HIBADH: variants seen among roughly 807,000 people sequenced by gnomAD.
The protein encoded by HIBADH is 3-hydroxyisobutyrate dehydrogenase.
HIBADH carries 25 observed loss-of-function variants against 36.1 expected under a neutral mutation model. The ratio of observed to expected loss-of-function variants is 0.69; its 90% CI spans 0.50 to 0.97. The LOEUF (loss-of-function observed/expected upper bound fraction) is 0.97. HIBADH is among the 50% of genes least tolerant of loss of function. HIBADH has a pLI of 0.00. For synonymous variants in HIBADH, 160 were observed against 149.5 expected (o/e 1.07, Z -0.51); for missense variants, 421 against 418.0 (o/e 1.01, Z -0.06).
intron 4 of HIBADH, among the ~76,000 whole-genome samples, chr7:27,582,364 G>A (rs1263793869): frequency 6.6e-6 from 1 of 152,030 alleles, no homozygotes; most frequent in African/African-American, 2.4e-5. Context: ...GGCTGCCCTG[G>A]TCTCTGCTGG....
intron 4 of HIBADH, among the ~76,000 whole-genome samples, chr7:27,613,819 C>T (rs35771883): frequency 0.16 from 24,018 of 151,812 alleles, 2,076 homozygotes; most frequent in Middle Eastern, 0.2. Flanking sequence ...CCACCATGCC[C>T]GGCTAATTTT....
At chr7:27,606,305 C>T (rs1785227837) in intron 4 of HIBADH, among the ~76,000 whole-genome samples, 1 of 152,104 alleles carries the variant, frequency 6.6e-6, no homozygotes, top group African/African-American at 2.4e-5. Flanking sequence ...TGGTGGGCTG[C>T]CTTTTAATCC....
At chr7:27,554,976 T>C (rs1011254654) in intron 4 of HIBADH, among the ~76,000 whole-genome samples, 1 of 152,176 alleles carries the variant, frequency 6.6e-6, no homozygotes, top group Non-Finnish European at 1.5e-5. Context: ...TTTGCAACCA[T>C]TTCTGATGGT....
chr7:27,613,374 T>TAGAG (rs1373733644), intron 4 of HIBADH, among the ~76,000 whole-genome samples: 2 of 54,448 alleles, frequency 3.7e-5, no homozygotes, highest in Admixed American at 1.9e-4. Flanking sequence ...CTCGTTTAGA[T>TAGAG]AGATAGACAG....
At chr7:27,644,592 T>C (rs1786026598) in intron 2 of HIBADH, among the ~76,000 whole-genome samples, 4 of 98,606 alleles carry the variant, frequency 4.1e-5, no homozygotes, top group Admixed American at 2.2e-4. Flanking sequence ...AGAGCAAGAC[T>C]CCATCTCAAA....
At chr7:27,622,250 A>T (rs575850765) in intron 4 of HIBADH, among the ~76,000 whole-genome samples, 104 of 152,096 alleles carry the variant, frequency 6.8e-4, no homozygotes, top group East Asian at 2.5e-3. Context: ...ATTTTTTTTT[A>T]AAAAAGTTAA....
At chr7:27,624,530 C>A (rs138646466) in intron 4 of HIBADH, among the ~76,000 whole-genome samples, 1 of 152,286 alleles carries the variant, frequency 6.6e-6, no homozygotes, top group East Asian at 1.9e-4. Context: ...AATTTAGTGG[C>A]CTTACTTGTT....
intron 2 of HIBADH, among the ~76,000 whole-genome samples, chr7:27,633,710 ATCT>A (rs925556813): frequency 2.6e-5 from 4 of 152,012 alleles, no homozygotes; most frequent in African/African-American, 9.7e-5. Flanking sequence ...CTGTCACAAC[ATCT>A]TCTGCAAAGC....
intron 4 of HIBADH, among the ~76,000 whole-genome samples, chr7:27,570,629 G>C (rs1439316647): frequency 6.7e-6 from 1 of 148,596 alleles, no homozygotes; most frequent in East Asian, 2.0e-4. Context: ...ACTATATATA[G>C]TTGTCCAAAT....
At chr7:27,552,447 A>G (rs556315759) in intron 4 of HIBADH, among the ~76,000 whole-genome samples, 1 of 152,360 alleles carries the variant, frequency 6.6e-6, no homozygotes, top group East Asian at 1.9e-4. Context: ...AAATACATGA[A>G]GAAATAAGCA....
intron 7 of HIBADH, among the ~76,000 whole-genome samples, chr7:27,530,906 C>T (rs566650707): frequency 5.9e-5 from 9 of 151,834 alleles, no homozygotes; most frequent in Middle Eastern, 3.4e-3. Context: ...GAAATTTTAC[C>T]GGCTCATATA....
intron 4 of HIBADH, among the ~76,000 whole-genome samples, chr7:27,600,987 T>C (rs1256745825): frequency 6.6e-6 from 1 of 152,144 alleles, no homozygotes; most frequent in Admixed American, 6.5e-5. Flanking sequence ...TTTCCAAAAA[T>C]ACACTAGCAT....
intron 4 of HIBADH, among the ~76,000 whole-genome samples, chr7:27,622,635 G>A (rs962220058): frequency 3.3e-5 from 5 of 152,008 alleles, no homozygotes; most frequent in Non-Finnish European, 7.4e-5. Context: ...GATCATCAGA[G>A]ACTATTATGA....
chr7:27,652,373 T>G (rs1005465423), intron 1 of HIBADH, among the ~76,000 whole-genome samples: 2 of 151,622 alleles, frequency 1.3e-5, no homozygotes, highest in Non-Finnish European at 2.9e-5. Flanking sequence ...TTGTATTTTG[T>G]AGGCAAGAGG....
chr7:27,555,515 A>C (rs949556525), intron 4 of HIBADH, among the ~76,000 whole-genome samples: 1 of 151,942 alleles, frequency 6.6e-6, no homozygotes, highest in Non-Finnish European at 1.5e-5. Flanking sequence ...AATTCTTACT[A>C]CTGGCCCTCA....
intron 4 of HIBADH, among the ~76,000 whole-genome samples, chr7:27,579,374 C>T (rs549348036): frequency 1.2e-4 from 18 of 152,210 alleles, no homozygotes; most frequent in Admixed American, 3.9e-4. Flanking sequence ...AATTACATAG[C>T]AGAGCACTGA....
intron 4 of HIBADH, among the ~76,000 whole-genome samples, chr7:27,616,747 C>T (rs1368138467): frequency 1.3e-5 from 2 of 152,040 alleles, no homozygotes; most frequent in Non-Finnish European, 1.5e-5. Flanking sequence ...CAGGCATGAG[C>T]CACTGCGCCC....
At chr7:27,659,181 G>A (rs1191477106) in intron 1 of HIBADH, among the ~76,000 whole-genome samples, 2 of 152,098 alleles carry the variant, frequency 1.3e-5, no homozygotes, top group Non-Finnish European at 2.9e-5. Flanking sequence ...TGGTCAGGTG[G>A]TCACCTCAAG....
intron 2 of HIBADH, chr7:27,647,792 A>G (rs1044551601): frequency 2.3e-5 from 7 of 308,094 alleles, no homozygotes; most frequent in African/African-American, 4.4e-5. Context: ...TCTGGGAAAA[A>G]GCAGGAGAGA....
Sources: gnomAD v4.1 joint callset for allele counts (sites outside exome capture counted in the v4.1 genomes callset) on GRCh38, gnomAD v4.1.1 for gene constraint, MANE v1.5 for transcripts, NCBI Gene and HGNC (gene_info 2026-07-23, HGNC 2026-07-21) for gene names.